The following RIT2 variants were observed in gnomAD, a reference collection of about 807,000 sequenced individuals.
RIT2 encodes the protein GTP-binding protein Rit2.
In RIT2, 24 loss-of-function variants were observed where a neutral mutation model predicts 23.7. The observed-to-expected ratio is 1.01, with a 90% CI of 0.73 to 1.43. RIT2 has a LOEUF of 1.43. Ranked by LOEUF, RIT2 falls within the 40% of genes most tolerant of loss-of-function variation. The pLI is 0.00. For synonymous variants in RIT2, 107 were observed against 91.1 expected, an observed-to-expected ratio of 1.17 and a Z score of -0.99; for missense variants, 236 against 266.9, an observed-to-expected ratio of 0.88 and a Z score of 0.81.
At chr18:42,848,221 G>T (rs1484827100) in intron 4 of RIT2, among the ~76,000 whole-genome samples, 1 of 152,094 alleles carries the variant, frequency 6.6e-6, no homozygotes, top group Non-Finnish European at 1.5e-5. Context: ...TCCCCTAATA[G>T]GTTTGGCTGA....
At chr18:42,980,029 G>A (rs533825014) in intron 2 of RIT2, among the ~76,000 whole-genome samples, 13 of 151,832 alleles carry the variant, frequency 8.6e-5, no homozygotes, top group South Asian at 6.2e-4. Flanking sequence ...GCTCTGCCAC[G>A]AAAAGAGAAA....
intron 4 of RIT2, among the ~76,000 whole-genome samples, chr18:42,872,414 G>C (rs1229583376): frequency 6.6e-6 from 1 of 152,166 alleles, no homozygotes; most frequent in Non-Finnish European, 1.5e-5. Context: ...TGCCAGAGGA[G>C]AAAGGTCTTC....
At chr18:42,939,146 A>G (rs1373518968) in intron 3 of RIT2, among the ~76,000 whole-genome samples, 1 of 152,184 alleles carries the variant, frequency 6.6e-6, no homozygotes, top group African/African-American at 2.4e-5. Flanking sequence ...AAAGCAGATG[A>G]TTTGAAAATG....
At chr18:42,996,063 G>T (rs1910976338) in intron 2 of RIT2, among the ~76,000 whole-genome samples, 1 of 151,972 alleles carries the variant, frequency 6.6e-6, no homozygotes, top group Admixed American at 6.6e-5. Flanking sequence ...GGATGTCTTG[G>T]GTCCTCCCAA....
intron 2 of RIT2, among the ~76,000 whole-genome samples, chr18:42,979,868 T>A (rs1187249607): frequency 6.6e-6 from 1 of 152,166 alleles, no homozygotes; most frequent in African/African-American, 2.4e-5. Flanking sequence ...GCAATTGCAC[T>A]GTATTTTAAT....
At chr18:43,063,720 A>C (rs1912705781) in intron 1 of RIT2, among the ~76,000 whole-genome samples, 2 of 152,220 alleles carry the variant, frequency 1.3e-5, no homozygotes, top group Admixed American at 6.5e-5. Context: ...AGATTCACAA[A>C]AATGAGAACT....
chr18:42,837,166 T>C (rs1230432892), intron 4 of RIT2, among the ~76,000 whole-genome samples: 1 of 99,294 alleles, frequency 1.0e-5, no homozygotes, highest in East Asian at 2.6e-4. Flanking sequence ...TTTTTTTTTT[T>C]TTTTTTTTTT....
chr18:42,873,328 A>G (rs1907666201), intron 4 of RIT2, among the ~76,000 whole-genome samples: 1 of 152,172 alleles, frequency 6.6e-6, no homozygotes, highest in East Asian at 1.9e-4. Flanking sequence ...AAAAACATTT[A>G]AAGTCTATAC....
intron 1 of RIT2, among the ~76,000 whole-genome samples, chr18:43,071,271 A>G (rs995735529): frequency 6.6e-6 from 1 of 152,168 alleles, no homozygotes; most frequent in Non-Finnish European, 1.5e-5. Context: ...AGTTTTTATG[A>G]TCACTCTGAA....
chr18:42,917,259 C>T (rs866255636), intron 4 of RIT2, among the ~76,000 whole-genome samples: 1 of 152,120 alleles, frequency 6.6e-6, no homozygotes, highest in African/African-American at 2.4e-5. Flanking sequence ...CTATCTGATT[C>T]TTTCAACTAC....
intron 1 of RIT2, among the ~76,000 whole-genome samples, chr18:43,072,431 CT>C (rs1912921030): frequency 6.6e-6 from 1 of 152,138 alleles, no homozygotes. Context: ...GCTAAGAGTT[CT>C]TTTTAGCTTT....
chr18:42,915,707 C>T (rs1305233869), intron 4 of RIT2, among the ~76,000 whole-genome samples: 1 of 151,556 alleles, frequency 6.6e-6, no homozygotes, highest in East Asian at 1.9e-4. Context: ...AGATGTGCAA[C>T]ATAAACGGTG....
At chr18:43,022,486 C>T (rs1056665652) in intron 2 of RIT2, among the ~76,000 whole-genome samples, 6 of 152,100 alleles carry the variant, frequency 3.9e-5, no homozygotes, top group East Asian at 1.9e-4. Flanking sequence ...ATGGTCAATA[C>T]GCAGGATGAT....
chr18:42,823,743 T>C lies in RIT2; in HGVS notation c.427-80023A>G, dbSNP rs894950226. ...ACCAGAAGTTTTATATTCACCATTC[T>C]ATTTAATGTTTACAGAAAATGTTTG... On this transcript the variant is annotated intron_variant, in intron 4 of 4. Coordinates refer to ENST00000326695, the MANE Select transcript of RIT2 (RefSeq NM_002930.4). 2.0e-5 allele frequency among the ~76,000 whole-genome samples: 3 copies of C among 152,218 alleles called. No individual in the cohort carries two copies. The South Asian group carries it at 6.2e-4, about 31-fold the overall frequency.
chr18:42,775,514 G>A (rs916564932), intron 4 of RIT2, among the ~76,000 whole-genome samples: 3 of 152,006 alleles, frequency 2.0e-5, no homozygotes, highest in Non-Finnish European at 2.9e-5. Context: ...GGCTAACATG[G>A]TGAAGCCCCG....
chr18:42,783,504 A>G (rs1913857607), intron 4 of RIT2, among the ~76,000 whole-genome samples: 1 of 151,922 alleles, frequency 6.6e-6, no homozygotes, highest in African/African-American at 2.4e-5. Flanking sequence ...CAACTGAAAT[A>G]ACACTTAAAT....
intron 3 of RIT2, among the ~76,000 whole-genome samples, chr18:42,962,733 T>C (rs373778738): frequency 1.8e-4 from 28 of 152,328 alleles, no homozygotes; most frequent in East Asian, 1.7e-3. Flanking sequence ...CAAACCGTCA[T>C]TCTAAAATAG....
chr18:42,805,500 T>A (rs1281321660), intron 4 of RIT2, among the ~76,000 whole-genome samples: 1 of 152,216 alleles, frequency 6.6e-6, no homozygotes, highest in Admixed American at 6.5e-5. Context: ...TAATGTAGAA[T>A]CTAAAATCAC....
intron 2 of RIT2, among the ~76,000 whole-genome samples, chr18:42,996,059 C>A (rs1451528376): frequency 6.6e-6 from 1 of 152,184 alleles, no homozygotes; most frequent in African/African-American, 2.4e-5. Context: ...AATTGGATGT[C>A]TTGGGTCCTC....
Sources: gnomAD v4.1 joint callset for allele counts (sites outside exome capture counted in the v4.1 genomes callset) on GRCh38, gnomAD v4.1.1 for gene constraint, MANE v1.5 for transcripts, NCBI Gene and HGNC (gene_info 2026-07-23, HGNC 2026-07-21) for gene names.